The following GALNTL6 variants were observed in gnomAD, a reference collection of about 807,000 sequenced individuals.
GALNTL6 encodes the protein polypeptide N-acetylgalactosaminyltransferase-like 6.
In GALNTL6, 46 loss-of-function variants were observed where a neutral mutation model predicts 73.7. That is an observed-to-expected ratio of 0.62 (90% CI 0.49 to 0.80). The LOEUF is 0.80. GALNTL6 is among the 30% of genes least tolerant of loss of function. GALNTL6 has a pLI of 0.00. For synonymous variants in GALNTL6, 259 were observed against 263.7 expected, an observed-to-expected ratio of 0.98 and a Z score of 0.17; for missense variants, 604 against 755.0, an observed-to-expected ratio of 0.80 and a Z score of 2.34.
chr4:172,436,308 T>C (rs572412109), intron 5 of GALNTL6, among the ~76,000 whole-genome samples: 1 of 152,204 alleles, frequency 6.6e-6, no homozygotes, highest in South Asian at 2.1e-4. Flanking sequence ...TCCTCAAATC[T>C]TAAGCTCATA....
intron 5 of GALNTL6, among the ~76,000 whole-genome samples, chr4:172,405,931 A>G (rs1460261325): frequency 6.6e-6 from 1 of 152,022 alleles, no homozygotes; most frequent in Non-Finnish European, 1.5e-5. Context: ...TTGTGTCTAC[A>G]ACTAATGTGT....
chr4:172,609,625 C>CTCTCTGTGTG (rs753051714), intron 5 of GALNTL6, among the ~76,000 whole-genome samples: 14,822 of 92,566 alleles, frequency 0.16, 1,352 homozygotes, highest in Non-Finnish European at 0.19. Context: ...CTCTCTCTCT[C>CTCTCTGTGTG]TGTGTGTGTG....
At chr4:172,555,886 A>G (rs920064688) in intron 5 of GALNTL6, among the ~76,000 whole-genome samples, 7 of 152,098 alleles carry the variant, frequency 4.6e-5, no homozygotes, top group Admixed American at 1.3e-4. Context: ...AGTTGCACAT[A>G]TTTTGCATTA....
chr4:172,296,134 C>A (rs1460757549), intron 3 of GALNTL6, among the ~76,000 whole-genome samples: 1 of 152,018 alleles, frequency 6.6e-6, no homozygotes, highest in Non-Finnish European at 1.5e-5. Flanking sequence ...TTGTCAGATT[C>A]ATGAAAATTC....
At chr4:172,084,844 A>C (rs919217005) in intron 2 of GALNTL6, among the ~76,000 whole-genome samples, 1 of 152,184 alleles carries the variant, frequency 6.6e-6, no homozygotes, top group Non-Finnish European at 1.5e-5. Flanking sequence ...AAGAAGGAGA[A>C]TAGACACAGC....
intron 5 of GALNTL6, among the ~76,000 whole-genome samples, chr4:172,612,201 A>C (rs1171718500): frequency 1.3e-5 from 2 of 152,082 alleles, no homozygotes; most frequent in Non-Finnish European, 2.9e-5. Flanking sequence ...TGGGGTATCC[A>C]AAATGTTTAA....
In GALNTL6 at chr4:172,069,569, A is replaced by ATGTGT. The variant is rs1491292708; in HGVS notation, c.139-160086_139-160085insGTGTT. 6.5e-5 allele frequency among the ~76,000 whole-genome samples: 2 copies of ATGTGT among 30,988 alleles called. 1 individual carries two copies. Among genetic ancestry groups the ATGTGT allele is most frequent in the Admixed American group, 8.2e-4 (2 of 2,428 alleles). The allele number at this position is 30,988 out of a possible 152,430, so 20.3% of individuals were successfully genotyped here. On this transcript the variant is annotated intron_variant, in intron 2 of 12. Coordinates refer to ENST00000506823, the MANE Select transcript of GALNTL6 (RefSeq NM_001034845.3). ...AACACATATATGTTATATATAACAC[A>ATGTGT]TATATGTTATATATTATATATATAA...
chr4:171,987,227 G>C (rs1426675679), intron 2 of GALNTL6, among the ~76,000 whole-genome samples: 1 of 152,164 alleles, frequency 6.6e-6, no homozygotes, highest in Non-Finnish European at 1.5e-5. Context: ...GCTTGGTGAG[G>C]TGTGTTTTTA....
At chr4:172,085,641 A>G (rs1307302933) in intron 2 of GALNTL6, among the ~76,000 whole-genome samples, 2 of 151,908 alleles carry the variant, frequency 1.3e-5, no homozygotes, top group African/African-American at 4.8e-5. Context: ...ACGTATTTTA[A>G]TTTGCATGGC....
chr4:172,342,590 T>C (rs1295807325), intron 4 of GALNTL6, among the ~76,000 whole-genome samples: 1 of 152,244 alleles, frequency 6.6e-6, no homozygotes, highest in Non-Finnish European at 1.5e-5. Context: ...TGGTTGCAGC[T>C]CTAATATCCT....
At chr4:172,409,774 T>C (rs1259898625) in intron 5 of GALNTL6, among the ~76,000 whole-genome samples, 2 of 151,986 alleles carry the variant, frequency 1.3e-5, no homozygotes, top group Non-Finnish European at 2.9e-5. Flanking sequence ...TACTGTATAG[T>C]AGCTAGACCT....
At chr4:172,857,099 G>C (rs751235841) in intron 7 of GALNTL6, among the ~76,000 whole-genome samples, 2 of 152,168 alleles carry the variant, frequency 1.3e-5, no homozygotes, top group Non-Finnish European at 2.9e-5. Flanking sequence ...TTATGTGGCC[G>C]AGACAGGCAG....
intron 8 of GALNTL6, among the ~76,000 whole-genome samples, chr4:172,912,195 G>A (rs1747240205): frequency 6.6e-6 from 1 of 152,174 alleles, no homozygotes; most frequent in South Asian, 2.1e-4. Context: ...ATATTATTGT[G>A]AGCCTTCAGA....
intron 2 of GALNTL6, among the ~76,000 whole-genome samples, chr4:172,057,007 C>A (rs1731036446): frequency 6.6e-6 from 1 of 152,000 alleles, no homozygotes; most frequent in East Asian, 1.9e-4. Flanking sequence ...AAAATTTTTT[C>A]TTCTTTGTAG....
chr4:171,906,320 C>T (rs1230637352), intron 2 of GALNTL6, among the ~76,000 whole-genome samples: 14 of 151,270 alleles, frequency 9.3e-5, no homozygotes, highest in South Asian at 4.2e-4. Flanking sequence ...ATATCACCAC[C>T]GATCCCACAG....
chr4:171,976,815 A>G (rs1281440967), intron 2 of GALNTL6, among the ~76,000 whole-genome samples: 1 of 152,214 alleles, frequency 6.6e-6, no homozygotes, highest in Admixed American at 6.5e-5. Context: ...ATAACATGAA[A>G]CTTTCAGGTG....
At chr4:171,895,939 T>C (rs1736901683) in intron 2 of GALNTL6, among the ~76,000 whole-genome samples, 1 of 148,960 alleles carries the variant, frequency 6.7e-6, no homozygotes, top group Non-Finnish European at 1.5e-5. Context: ...AATGACTAAA[T>C]AGAATTAACA....
intron 3 of GALNTL6, among the ~76,000 whole-genome samples, chr4:172,241,812 T>C (rs942159259): frequency 6.6e-6 from 1 of 152,228 alleles, no homozygotes; most frequent in Admixed American, 6.5e-5. Flanking sequence ...AATACCATTA[T>C]AGTTCATTTA....
intron 5 of GALNTL6, among the ~76,000 whole-genome samples, chr4:172,408,047 A>G (rs562860571): frequency 1.1e-3 from 160 of 152,168 alleles, no homozygotes; most frequent in Non-Finnish European, 2.0e-3. Flanking sequence ...TCTTGCTAAT[A>G]CATAAATTGT....
Sources: gnomAD v4.1 joint callset for allele counts (sites outside exome capture counted in the v4.1 genomes callset) on GRCh38, gnomAD v4.1.1 for gene constraint, MANE v1.5 for transcripts, NCBI Gene and HGNC (gene_info 2026-07-23, HGNC 2026-07-21) for gene names.